Variants in GOSR1 observed in about 807,000 individuals in gnomAD.
The protein encoded by GOSR1 is golgi SNAP receptor complex member 1.
GOSR1 carries 21 observed loss-of-function variants against 35.5 expected under a neutral mutation model. The observed-to-expected ratio is 0.59, with a 90% CI of 0.42 to 0.85. The LOEUF (loss-of-function observed/expected upper bound fraction) is 0.85, where lower values mean the gene tolerates loss of function less well. GOSR1 is among the 40% of genes least tolerant of loss of function. The probability of loss-of-function intolerance (pLI) is 0.00; values close to 1 mark genes in which losing one functional copy is unlikely to be tolerated. For synonymous variants in GOSR1, 94 were observed against 106.6 expected, an observed-to-expected ratio of 0.88 and a Z score of 0.73; for missense variants, 285 against 309.6, an observed-to-expected ratio of 0.92 and a Z score of 0.60.
chr17:30,477,747 A>G (rs147561668), intron 1 of GOSR1: 448 of 985,142 alleles, frequency 4.5e-4, no homozygotes, highest in Non-Finnish European at 5.2e-4. Context: ...CCTGGGTAGA[A>G]TTGTGTTGAG....
chr17:30,486,489 A>C (rs1455681799), intron 4 of GOSR1, among the ~76,000 whole-genome samples: 2 of 151,154 alleles, frequency 1.3e-5, no homozygotes, highest in Admixed American at 1.3e-4. Context: ...GCACCACTGC[A>C]CTCCAGCCTG....
chr17:30,498,694 G>A (rs1324136074), intron 6 of GOSR1, among the ~76,000 whole-genome samples: 2 of 151,912 alleles, frequency 1.3e-5, no homozygotes, highest in African/African-American at 4.8e-5. Flanking sequence ...ATTTTGAAAC[G>A]TCACGCATTT....
At chr17:30,493,887 T>C (rs1418950675) in intron 6 of GOSR1, among the ~76,000 whole-genome samples, 9 of 152,214 alleles carry the variant, frequency 5.9e-5, no homozygotes. Flanking sequence ...GTTCTGTTTT[T>C]ACTATTATAC....
At chr17:30,508,756 A>C (rs1200857805) in intron 6 of GOSR1, among the ~76,000 whole-genome samples, 3 of 152,220 alleles carry the variant, frequency 2.0e-5, no homozygotes, top group Non-Finnish European at 4.4e-5. Context: ...ACTGTGTGCC[A>C]GGTACTGATC....
chr17:30,525,041 A>G lies in GOSR1; in HGVS notation c.*2663A>G, dbSNP rs1030173216. ...ATTTCTTAGTTTCTGTAAATTCATG[A>G]CTTGTCTTACTGAACTACAGCCTGG... On this transcript the variant is annotated 3_prime_UTR_variant, in exon 9 of 9. Transcript: ENST00000451249. The G allele has an allele frequency of 4.6e-5, 7 of 152,260 alleles. No individual in the cohort carries two copies. The highest frequency in any genetic ancestry group is 1.4e-4 in the African/African-American group (6 of 41,534). The allele number at this position is 152,260 out of a possible 1,614,324, so 9.4% of individuals were successfully genotyped here.
At position 30,523,848 on chromosome 17, in the gene GOSR1, G is replaced by C. The variant is rs950213683; in HGVS notation, c.*1470G>C. 5.8e-5 allele frequency: 12 copies of C among 207,660 alleles called. No homozygotes were observed. The highest frequency in any genetic ancestry group is 1.0e-4 in the Non-Finnish European group (11 of 105,314). 12.9% of individuals were successfully genotyped at this position (207,660 alleles called of 1,614,324 possible). ...TGTGTAGAAAGAAGTAGACATGGGA[G>C]ACTTTTCATTTTGTTCTGTACTAAG... On this transcript the variant is annotated 3_prime_UTR_variant, in exon 9 of 9. Coordinates refer to ENST00000451249, the MANE Select transcript of GOSR1 (RefSeq NM_001007025.2).
chr17:30,522,534 T>TG lies in GOSR1; in HGVS notation c.*157dup. ...GATGGACTCTGTGACATGGTCAGGT[T>TG]GAGCTGAAGCCACAGTTTCTCTGTG... is the stretch of plus-strand genomic sequence containing the variant. On this transcript the variant is annotated 3_prime_UTR_variant, in exon 9 of 9. Transcript: ENST00000451249. 2 of 491,052 alleles carry TG rather than the reference T, an allele frequency of 4.1e-6. No homozygotes were observed. Among genetic ancestry groups the TG allele is most frequent in the Non-Finnish European group, 7.1e-6 (2 of 281,924 alleles). 30.4% of individuals were successfully genotyped at this position (491,052 alleles called of 1,614,324 possible). A position where few individuals can be genotyped will look rare whatever the true frequency, so the allele number is the denominator to read the frequency against.
rs374836605 is a variant in GOSR1 at position 30,484,321 on chromosome 17, T to C, written c.234+20T>C. 4.0e-5 allele frequency: 54 copies of C among 1,352,086 alleles called. No individual in the cohort carries two copies. The African/African-American group carries it at 7.3e-4, about 18-fold the overall frequency. 83.8% of individuals were successfully genotyped at this position (1,352,086 alleles called of 1,614,324 possible). ...GCAAGGGTAAGTGCTTTCTGTTAAA[T>C]GGCTATTTTGCAAATAACTGTATAC... On this transcript the variant is annotated intron_variant, in intron 3 of 8. Coordinates refer to ENST00000451249, the MANE Select transcript of GOSR1 (RefSeq NM_001007025.2).
chr17:30,494,226 G>C (rs942399167), intron 6 of GOSR1, among the ~76,000 whole-genome samples: 2 of 130,066 alleles, frequency 1.5e-5, no homozygotes, highest in African/African-American at 6.2e-5. Flanking sequence ...ACTTTGTAAT[G>C]AATTGTTTTT....
At chr17:30,508,154 G>A (rs1967475401) in intron 6 of GOSR1, among the ~76,000 whole-genome samples, 2 of 152,160 alleles carry the variant, frequency 1.3e-5, no homozygotes, top group Admixed American at 1.3e-4. Flanking sequence ...AGGATAGGAC[G>A]TGGCTCATAG....
At chr17:30,510,005 A>G (rs917576406) in intron 6 of GOSR1, among the ~76,000 whole-genome samples, 1 of 152,004 alleles carries the variant, frequency 6.6e-6, no homozygotes, top group African/African-American at 2.4e-5. Context: ...AACTGTTCTG[A>G]CTCTAATTGT....
intron 6 of GOSR1, among the ~76,000 whole-genome samples, chr17:30,509,956 T>C (rs1351279682): frequency 6.6e-6 from 1 of 152,240 alleles, no homozygotes; most frequent in Non-Finnish European, 1.5e-5. Context: ...AACTTTGAGC[T>C]ATTTAAAGAG....
chr17:30,503,896 A>G (rs1368396402), intron 6 of GOSR1, among the ~76,000 whole-genome samples: 4 of 152,224 alleles, frequency 2.6e-5, no homozygotes, highest in Non-Finnish European at 5.9e-5. Context: ...TATGCTTTAC[A>G]GGATATTTTA....
intron 4 of GOSR1, among the ~76,000 whole-genome samples, chr17:30,485,612 C>A (rs954030697): frequency 1.3e-5 from 2 of 152,296 alleles, no homozygotes; most frequent in African/African-American, 4.8e-5. Context: ...CAATCCACCC[C>A]CTCAGCCTTC....
At chr17:30,477,773 G>A in intron 1 of GOSR1, 1 of 985,278 alleles carries the variant, frequency 1.0e-6, no homozygotes, top group Non-Finnish European at 1.2e-6. Context: ...AATGGAACTC[G>A]GACGAAGGGG....
chr17:30,481,078 ATGG>A, intron 1 of GOSR1, 62 bp from the exon 2 acceptor site: 1 of 1,012,342 alleles, frequency 9.9e-7, no homozygotes, highest in Non-Finnish European at 1.6e-6. Context: ...TTTCTTTAGA[ATGG>A]TGCTGTGATT....
chr17:30,487,810 C>T (rs867569297), intron 4 of GOSR1, among the ~76,000 whole-genome samples: 1 of 151,934 alleles, frequency 6.6e-6, no homozygotes, highest in African/African-American at 2.4e-5. Context: ...CTCTGTTGTC[C>T]AGGCTGGAGT....
At chr17:30,510,435 C>G (rs1225783594) in intron 6 of GOSR1, among the ~76,000 whole-genome samples, 1 of 152,118 alleles carries the variant, frequency 6.6e-6, no homozygotes, top group African/African-American at 2.4e-5. Context: ...AAGTCCAGGC[C>G]AGCCACAGTG....
intron 6 of GOSR1, among the ~76,000 whole-genome samples, chr17:30,504,336 C>T (rs1052504036): frequency 6.6e-6 from 1 of 152,104 alleles, no homozygotes; most frequent in African/African-American, 2.4e-5. Context: ...CAGTTGGTTT[C>T]ATTTTCAAGT....
Sources: gnomAD v4.1 joint callset for allele counts (sites outside exome capture counted in the v4.1 genomes callset) on GRCh38, gnomAD v4.1.1 for gene constraint, MANE v1.5 for transcripts, NCBI Gene and HGNC (gene_info 2026-07-23, HGNC 2026-07-21) for gene names.